WAPL: variants seen among roughly 807,000 people sequenced by gnomAD.
WAPL encodes the protein WAPL cohesin release factor.
In WAPL, 5 loss-of-function variants were observed where a neutral mutation model predicts 121.0. That is an observed-to-expected ratio of 0.04 (90% confidence interval 0.02 to 0.09). The LOEUF (loss-of-function observed/expected upper bound fraction) is 0.09. Ranked by LOEUF, WAPL falls within the 10% of genes least tolerant of loss-of-function variation. WAPL has a pLI of 1.00. For synonymous variants in WAPL, 480 were observed against 481.5 expected, an observed-to-expected ratio of 1.00 and a Z score of 0.04; for missense variants, 999 against 1,410.8, an observed-to-expected ratio of 0.71 and a Z score of 4.68.
At chr10:86,497,151 C>T in intron 4 of WAPL, 50 bp downstream of exon 4, 1 of 1,390,430 alleles carries the variant, frequency 7.2e-7, no homozygotes, top group Non-Finnish European at 1.0e-6. Flanking sequence ...AAGAGTTGAG[C>T]CCTCCAATAA....
intron 15 of WAPL, among the ~76,000 whole-genome samples, chr10:86,449,299 A>G (rs1355670320): frequency 6.6e-6 from 1 of 152,244 alleles, no homozygotes; most frequent in African/African-American, 2.4e-5. Flanking sequence ...AACAGAATTA[A>G]GAGCCATTTC....
At chr10:86,449,161 G>C (rs1487383969) in intron 15 of WAPL, among the ~76,000 whole-genome samples, 1 of 152,208 alleles carries the variant, frequency 6.6e-6, no homozygotes, top group Non-Finnish European at 1.5e-5. Context: ...AGAACTACCT[G>C]TAAGATTCCA....
At chr10:86,438,646 G>A (rs1369640688) in intron 17 of WAPL, among the ~76,000 whole-genome samples, 1 of 152,240 alleles carries the variant, frequency 6.6e-6, no homozygotes, top group Non-Finnish European at 1.5e-5. Flanking sequence ...GGGAATAGGA[G>A]AAGAGGGTGA....
chr10:86,500,186 C>G lies in WAPL; in HGVS notation c.1057G>C (p.Gly353Arg), dbSNP rs756504233. 3.7e-6 allele frequency: 6 copies of G among 1,614,170 alleles called. No homozygotes were observed. Among genetic ancestry groups the G allele is most frequent in the Non-Finnish European group, 5.1e-6 (6 of 1,180,028 alleles). Residue 353 changes from glycine to arginine, a missense_variant, in exon 3 of 19, where the codon GGA becomes CGA. Physicochemically the swap from Gly to Arg is moderately radical, Grantham distance 125. Transcript: ENST00000298767. ...AAAACAGTGTAATCTCTAGTCCGTC[C>G]AACTGTCCCTCTAAAACTGGTCCCA... ...SCGTSFRGTV[G>R]RTRDYTVLHP... is the part of the protein sequence containing the mutation.
chr10:86,445,717 G>T (rs1183309922), intron 16 of WAPL, among the ~76,000 whole-genome samples: 1 of 151,778 alleles, frequency 6.6e-6, no homozygotes. Context: ...GTAGGGATGG[G>T]GTCTTGCTAG....
chr10:86,461,120 T>A, intron 10 of WAPL, 56 bp downstream of exon 10: 1 of 1,286,886 alleles, frequency 7.8e-7, no homozygotes, highest in Non-Finnish European at 1.1e-6. Flanking sequence ...GTCAATGGAG[T>A]ATTTTCTTCA....
rs79747663 is a variant in WAPL at position 86,472,799 on chromosome 10, T to C, written c.1741-35A>G. ...AAGGTATTAAATTAGTTGTTCTAAA[T>C]AAATATATAAAAATAGGAACGTCTC... On this transcript the variant is annotated intron_variant, in intron 5 of 18. Transcript: ENST00000298767. This position sits in a 1 kb window ranked among gnomAD's most constrained non-coding sequence, Gnocchi z 4.2. The C allele has an allele frequency of 0.052, 79,025 of 1,524,336 alleles. 2,338 individuals carry two copies. The highest frequency in any genetic ancestry group is 0.06 in the Non-Finnish European group (67,931 of 1,136,776). 94.4% of individuals were successfully genotyped at this position (1,524,336 alleles called of 1,614,324 possible).
At chr10:86,485,349 C>CTCCTG (rs1841906796) in intron 4 of WAPL, among the ~76,000 whole-genome samples, 1 of 152,044 alleles carries the variant, frequency 6.6e-6, no homozygotes, top group African/African-American at 2.4e-5. Context: ...TCAAGACCAA[C>CTCCTG]ATGGTAAAAC....
At chr10:86,451,051 C>T (rs148313066) in intron 15 of WAPL, among the ~76,000 whole-genome samples, 135 of 151,660 alleles carry the variant, frequency 8.9e-4, no homozygotes, top group Middle Eastern at 3.4e-3. Context: ...ACAGATCAGA[C>T]GAGTAAATAA....
chr10:86,479,345 C>T (rs1169382556), intron 4 of WAPL, among the ~76,000 whole-genome samples: 1 of 152,140 alleles, frequency 6.6e-6, no homozygotes, highest in African/African-American at 2.4e-5. Flanking sequence ...GTAACCTGCG[C>T]CTCCCGGGTT....
At chr10:86,499,560 C>T (rs1589532143) in intron 3 of WAPL, among the ~76,000 whole-genome samples, 158 bp downstream of exon 3, 2 of 152,164 alleles carry the variant, frequency 1.3e-5, no homozygotes, top group South Asian at 4.1e-4. Context: ...TAACAATACG[C>T]TATAATAAAT....
intron 9 of WAPL, among the ~76,000 whole-genome samples, chr10:86,461,929 T>G (rs987061943): frequency 2.0e-5 from 3 of 152,196 alleles, no homozygotes; most frequent in East Asian, 3.8e-4. Flanking sequence ...TTGTTCACTT[T>G]AGTGTTGCAG....
intron 14 of WAPL, among the ~76,000 whole-genome samples, 180 bp downstream of exon 14, chr10:86,453,040 A>G (rs1356892953): frequency 1.2e-4 from 1 of 8,256 alleles, no homozygotes; most frequent in African/African-American, 6.2e-4. Flanking sequence ...AAAAAAAAAA[A>G]AAAAAAAAAA....
At chr10:86,484,419 CAGG>C (rs1841880242) in intron 4 of WAPL, among the ~76,000 whole-genome samples, 1 of 152,080 alleles carries the variant, frequency 6.6e-6, no homozygotes, top group African/African-American at 2.4e-5. Context: ...CAGTTGAGCC[CAGG>C]AGGTCAAGGC....
rs148016193 is a variant in WAPL, at chr10:86,477,615, C to T, written c.1645-3642G>A. ...GTCAGGAGTTGGAGACCAGCCTAAC[C>T]AACATGGTGAAATCCCATCTCTACT... On this transcript the variant is annotated intron_variant, in intron 4 of 18. Coordinates refer to ENST00000298767, the MANE Select transcript of WAPL (RefSeq NM_015045.5). Among the ~76,000 whole-genome samples the T allele has an allele frequency of 2.5e-3, 378 of 152,220 alleles. 2 individuals carry two copies. The highest frequency in any genetic ancestry group is 8.6e-3 in the African/African-American group (358 of 41,530).
chr10:86,469,419 A>G (rs1841483228), intron 8 of WAPL, among the ~76,000 whole-genome samples: 1 of 151,288 alleles, frequency 6.6e-6, no homozygotes, highest in African/African-American at 2.4e-5. Context: ...CGCCCGAGTA[A>G]TTTTTTGCAT....
chr10:86,507,747 A>G (rs1235596630), intron 2 of WAPL, among the ~76,000 whole-genome samples: 1 of 151,672 alleles, frequency 6.6e-6, no homozygotes, highest in Non-Finnish European at 1.5e-5. Context: ...ACAACCTACC[A>G]ACCATCCAAC....
chr10:86,438,641 T>C (rs973105161), intron 17 of WAPL, among the ~76,000 whole-genome samples: 3 of 152,170 alleles, frequency 2.0e-5, no homozygotes, highest in Admixed American at 2.0e-4. Context: ...CCTGGGGGAA[T>C]AGGAGAAGAG....
chr10:86,454,395 C>T (rs1841079474), intron 12 of WAPL, among the ~76,000 whole-genome samples: 1 of 152,172 alleles, frequency 6.6e-6, no homozygotes, highest in Non-Finnish European at 1.5e-5. Flanking sequence ...ATCTCCCTCT[C>T]CCTCTCTCTC....
Sources: gnomAD v4.1 joint callset for allele counts (sites outside exome capture counted in the v4.1 genomes callset) on GRCh38, gnomAD v4.1.1 for gene constraint, Gnocchi (gnomAD v3.1) non-coding constraint, MANE v1.5 for transcripts, NCBI Gene and HGNC (gene_info 2026-07-23, HGNC 2026-07-21) for gene names.